MVK: variants seen among roughly 807,000 people sequenced by gnomAD.
MVK encodes mevalonate kinase.
Under a neutral mutation model 43.2 loss-of-function variants are expected in MVK, and 34 were observed. The observed-to-expected ratio is 0.79, with a 90% confidence interval of 0.60 to 1.05. The LOEUF (loss-of-function observed/expected upper bound fraction) is 1.05, where lower values mean the gene tolerates loss of function less well. Ranked by LOEUF, MVK falls within the 50% of genes least tolerant of loss-of-function variation. The pLI is 0.00. For synonymous variants in MVK, 190 were observed against 219.8 expected (o/e 0.86, Z 1.20); for missense variants, 395 against 504.0 (o/e 0.78, Z 2.07).
chr12:109,577,394 A>G (rs1240544005), intron 3 of MVK, among the ~76,000 whole-genome samples: 1 of 152,096 alleles, frequency 6.6e-6, no homozygotes, highest in African/African-American at 2.4e-5. Context: ...CTGCACCTGA[A>G]CCCTTGACAC....
intron 1 of MVK, 64 bp from the exon 2 acceptor site, chr12:109,574,745 G>A (rs1327499538): frequency 7.3e-7 from 1 of 1,362,636 alleles, no homozygotes; most frequent in East Asian, 2.5e-5. Context: ...GGTGTTCTAA[G>A]ATCTCTTCCT....
intron 9 of MVK, among the ~76,000 whole-genome samples, chr12:109,593,080 A>G (rs1377387186): frequency 6.6e-6 from 1 of 152,228 alleles, no homozygotes; most frequent in Non-Finnish European, 1.5e-5. Flanking sequence ...CTCCTGTGTC[A>G]CAACCTGTCA....
intron 7 of MVK, chr12:109,588,147 G>A (rs544381726): frequency 1.3e-5 from 2 of 152,284 alleles, no homozygotes; most frequent in East Asian, 1.9e-4. Context: ...TGGATCATGT[G>A]GGGGAGTCTC....
intron 9 of MVK, among the ~76,000 whole-genome samples, chr12:109,593,755 G>C (rs1885790768): frequency 8.7e-6 from 1 of 115,456 alleles, no homozygotes; most frequent in Non-Finnish European, 1.6e-5. Flanking sequence ...GAGTCATCTT[G>C]CTCTGTCGCC....
At chr12:109,589,617 T>G (rs1235462026) in intron 7 of MVK, 2 of 151,490 alleles carry the variant, frequency 1.3e-5, no homozygotes, top group Non-Finnish European at 2.9e-5. Context: ...CCTCCAAGGC[T>G]GAGAATCGAT....
At position 109,591,332 on chromosome 12, in the gene MVK, C is replaced by T. The variant is rs771149567; in HGVS notation, c.860C>T (p.Ala287Val). 2 of 1,614,198 alleles carry T rather than the reference C, an allele frequency of 1.2e-6. No individual in the cohort carries two copies. Among genetic ancestry groups the T allele is most frequent in the Middle Eastern group, 1.7e-4 (1 of 6,058 alleles). The part of the protein sequence containing the change: ...RVLGEMGEAP[A>V]PEQYLVLEEL... ...CTGGGAGAGATGGGGGAAGCCCCAG[C>T]CCCGGAGCAGTACCTCGTGCTGGAA... Residue 287 changes from alanine (A) to valine (V), a missense_variant, in exon 9 of 11, where the codon GCC (alanine) becomes GTC (valine). Coordinates refer to ENST00000228510, the MANE Select transcript of MVK (RefSeq NM_000431.4).
chr12:109,574,811 T>C lies in MVK; in HGVS notation c.-12T>C. ...TTCTCATTGGCTTTCCCTTTTAGGATTCCCAGGAGCCATGTTGTCAGAAGT... is the reference window on the plus strand; with the variant it reads ...TTCTCATTGGCTTTCCCTTTTAGGACTCCCAGGAGCCATGTTGTCAGAAGT... On this transcript the variant is annotated splice_region_variant and 5_prime_UTR_variant, in exon 2 of 11. Coordinates refer to ENST00000228510, the MANE Select transcript of MVK (RefSeq NM_000431.4). 1 of 1,591,536 alleles carries C rather than the reference T, an allele frequency of 6.3e-7. No individual in the cohort carries two copies. The highest frequency in any genetic ancestry group is 8.6e-7 in the Non-Finnish European group (1 of 1,167,714).
At chr12:109,573,956 C>T (rs1884792907) in intron 1 of MVK, 83 bp downstream of exon 1, 1 of 159,636 alleles carries the variant, frequency 6.3e-6, no homozygotes, top group South Asian at 1.6e-4. Context: ...GCTTCTGTGG[C>T]TCAGTTTACC....
intron 3 of MVK, chr12:109,579,137 A>ATTTTTTT: frequency 1.2e-5 from 4 of 324,188 alleles, no homozygotes; most frequent in South Asian, 2.5e-5. Context: ...TAAGACTACA[A>ATTTTTTT]TTTTTTTTTT....
At chr12:109,578,215 C>T (rs535519804) in intron 3 of MVK, among the ~76,000 whole-genome samples, 241 of 152,000 alleles carry the variant, frequency 1.6e-3, no homozygotes, top group African/African-American at 5.5e-3. Flanking sequence ...GATCTACCAT[C>T]TTTCTTTCAG....
At position 109,576,278 on chromosome 12, in the gene MVK, A is replaced by C. The variant is rs1884950745; in HGVS notation, c.226+133A>C. 16 of 1,108,596 alleles carry C rather than the reference A, an allele frequency of 1.4e-5. No individual in the cohort carries two copies. The South Asian group carries it at 2.2e-4, about 15-fold the overall frequency. The allele number at this position is 1,108,596 out of a possible 1,614,324, so 68.7% of individuals were successfully genotyped here. A position where few individuals can be genotyped will look rare whatever the true frequency, so the allele number is the denominator to read the frequency against. ...GTGTTTTCTACCCTGACCTCATAAAATTAGCTTCACTCATTTTATTTTTTT... is the reference window on the plus strand; with the variant it reads ...GTGTTTTCTACCCTGACCTCATAAACTTAGCTTCACTCATTTTATTTTTTT... On this transcript the variant is annotated intron_variant, in intron 3 of 10. Transcript: ENST00000228510.
chr12:109,586,397 G>A (rs899773884), intron 6 of MVK, among the ~76,000 whole-genome samples: 4 of 152,272 alleles, frequency 2.6e-5, no homozygotes, highest in Middle Eastern at 3.4e-3. Flanking sequence ...ATGCAGAGCC[G>A]TTGCCGTGGA....
At chr12:109,573,583 T>C, upstream of MVK, 1 of 1,398,682 alleles carries the variant, frequency 7.1e-7, no homozygotes, top group Non-Finnish European at 9.8e-7. Flanking sequence ...TTTCAATTTT[T>C]ATTGGTTCGC....
At chr12:109,586,372 A>T (rs1885432461) in intron 6 of MVK, among the ~76,000 whole-genome samples, 1 of 152,006 alleles carries the variant, frequency 6.6e-6, no homozygotes, top group African/African-American at 2.4e-5. Flanking sequence ...TCCCCAAGAG[A>T]GTTGTAGGTT....
chr12:109,592,211 T>A (rs1885717001), intron 9 of MVK, among the ~76,000 whole-genome samples: 1 of 152,242 alleles, frequency 6.6e-6, no homozygotes, highest in Admixed American at 6.5e-5. Flanking sequence ...TGAGACCTTG[T>A]CTCACACACA....
intron 5 of MVK, among the ~76,000 whole-genome samples, chr12:109,582,231 G>C (rs1409098731): frequency 1.3e-5 from 2 of 152,238 alleles, no homozygotes; most frequent in Non-Finnish European, 1.5e-5. Flanking sequence ...ACCAGGAGTT[G>C]TGGATGAGGC....
At chr12:109,576,837 C>T (rs1405526703) in intron 3 of MVK, among the ~76,000 whole-genome samples, 3 of 149,312 alleles carry the variant, frequency 2.0e-5, no homozygotes, top group Non-Finnish European at 4.4e-5. Context: ...CGCCATTGCA[C>T]TCCAGCCTGG....
chr12:109,582,066 C>T (rs1885241645), intron 5 of MVK, among the ~76,000 whole-genome samples: 1 of 152,240 alleles, frequency 6.6e-6, no homozygotes. Flanking sequence ...ACGGGGCCGT[C>T]TCCACGGAGG....
chr12:109,590,689 C>T (rs907592387), intron 7 of MVK, 82 bp from the exon 8 acceptor site: 7 of 1,285,972 alleles, frequency 5.4e-6, no homozygotes, highest in Non-Finnish European at 6.8e-6. Flanking sequence ...TCAGGGTGGG[C>T]GGCTTCCCGG....
Sources: allele counts gnomAD v4.1 joint callset (sites outside exome capture counted in the v4.1 genomes callset), GRCh38; gene constraint gnomAD v4.1.1; transcripts MANE v1.5; gene names NCBI Gene and HGNC (gene_info 2026-07-23, HGNC 2026-07-21).